The following LAMA1 variants were observed in gnomAD, a reference collection of about 807,000 sequenced individuals.
LAMA1 encodes the protein laminin subunit alpha-1.
Under a neutral mutation model 348.7 loss-of-function variants are expected in LAMA1, and 219 were observed. The ratio of observed to expected loss-of-function variants is 0.63; its 90% confidence interval spans 0.56 to 0.70. LAMA1 has a LOEUF of 0.70. Ranked by LOEUF, LAMA1 falls within the 30% of genes least tolerant of loss-of-function variation. LAMA1 has a pLI of 0.00. For synonymous variants in LAMA1, 1,487 were observed against 1,491.0 expected, an observed-to-expected ratio of 1.00 and a Z score of 0.06; for missense variants, 3,744 against 3,888.0, an observed-to-expected ratio of 0.96 and a Z score of 0.99.
chr18:7,007,307 G>A (rs200467474), intron 28 of LAMA1, 31 bp from the exon 29 acceptor site: 7 of 1,606,408 alleles, frequency 4.4e-6, no homozygotes, highest in East Asian at 4.5e-5. Flanking sequence ...GGACAAAAAA[G>A]TCTGATTAAT....
intron 1 of LAMA1, among the ~76,000 whole-genome samples, chr18:7,094,382 G>T (rs2058251990): frequency 6.9e-6 from 1 of 145,052 alleles, no homozygotes; most frequent in Non-Finnish European, 1.5e-5. Flanking sequence ...CTAGATTATT[G>T]CGCCACTGCA....
At chr18:7,004,186 C>T (rs2057821437) in intron 29 of LAMA1, among the ~76,000 whole-genome samples, 1 of 152,078 alleles carries the variant, frequency 6.6e-6, no homozygotes, top group African/African-American at 2.4e-5. Flanking sequence ...GAATTAGTTG[C>T]TATGGGAAAT....
intron 42 of LAMA1, 82 bp from the exon 43 acceptor site, chr18:6,978,460 GCA>G: frequency 7.9e-7 from 1 of 1,260,156 alleles, no homozygotes; most frequent in Non-Finnish European, 1.1e-6. Context: ...ATGTAATTTC[GCA>G]CAGAAATATA....
chr18:7,042,244 G>C lies in LAMA1; in HGVS notation c.1162C>G (p.Pro388Ala), dbSNP rs766401243. 44 of 1,602,738 alleles carry C rather than the reference G, an allele frequency of 2.7e-5. No homozygotes were observed. The highest frequency in any genetic ancestry group is 3.6e-5 in the Non-Finnish European group (42 of 1,171,660). ...DGYYRPHKVSPYEDEPCRPCN... is the reference protein window; with the variant it reads ...DGYYRPHKVSAYEDEPCRPCN... ...GGGCGGCAAGGCTCATCCTCATAAG[G>C]AGACACCTGAAAGGCAGAGGTTGCC... The change falls in exon 9 of 63, where the codon CCT becomes GCT. Residue 388 changes from proline (P) to alanine (A), a missense_variant. Pro to Ala is a conservative substitution (Grantham distance 27, BLOSUM62 -1). This residue lies in a region of LAMA1 where 1,529 missense variants were observed against 1,689.4 expected (regional missense o/e 0.91). Transcript: ENST00000389658.
chr18:7,053,871 C>T (rs1057451585), intron 3 of LAMA1, among the ~76,000 whole-genome samples: 4 of 151,450 alleles, frequency 2.6e-5, no homozygotes, highest in Non-Finnish European at 4.4e-5. Flanking sequence ...GCAGTCCCAA[C>T]CTCCTGGGCT....
At position 7,023,326 on chromosome 18, in the gene LAMA1, C is replaced by T; in HGVS notation, c.2539G>A (p.Val847Ile). ...GNPTVPGESC[V>I]PCDCSGNVDP... The stretch of plus-strand genomic sequence containing the variant: ...ACGTTGCCGCTGCAGTCACAGGGAA[C>T]ACAAGATTCGCCAGGCACTGTTGGG... The change falls in exon 19 of 63, where the codon GTT (valine) becomes ATT (isoleucine). Residue 847 changes from valine (V) to isoleucine (I), a missense_variant. Val to Ile is a conservative substitution (Grantham distance 29). This residue lies in a region of LAMA1 where 1,529 missense variants were observed against 1,689.4 expected (regional missense o/e 0.91). Transcript: ENST00000389658. 5.6e-6 allele frequency: 9 copies of T among 1,614,178 alleles called. No individual in the cohort carries two copies. Among genetic ancestry groups the T allele is most frequent in the Non-Finnish European group, 7.6e-6 (9 of 1,180,044 alleles).
At chr18:7,056,615 A>C (rs1273629348) in intron 3 of LAMA1, among the ~76,000 whole-genome samples, 1 of 152,124 alleles carries the variant, frequency 6.6e-6, no homozygotes, top group South Asian at 2.1e-4. Flanking sequence ...CCTGCCCCCA[A>C]ATGTCCACAC....
intron 19 of LAMA1, among the ~76,000 whole-genome samples, chr18:7,021,185 C>A (rs2057913794): frequency 6.6e-6 from 1 of 152,126 alleles, no homozygotes; most frequent in South Asian, 2.1e-4. Context: ...GCACCCCCTT[C>A]AGGAGGCAGC....
At chr18:7,106,342 A>G (rs1011222392) in intron 1 of LAMA1, among the ~76,000 whole-genome samples, 1 of 150,784 alleles carries the variant, frequency 6.6e-6, no homozygotes, top group Non-Finnish European at 1.5e-5. Flanking sequence ...CTGGCTGCAC[A>G]GTGGAATCAC....
intron 17 of LAMA1, 86 bp downstream of exon 17, chr18:7,025,893 C>A: frequency 6.6e-7 from 1 of 1,522,280 alleles, no homozygotes. Flanking sequence ...ATTACACACA[C>A]AGTCTTGCTC....
At chr18:7,011,186 G>T (rs953475100) in intron 25 of LAMA1, 114 bp downstream of exon 25, 53 of 1,187,114 alleles carry the variant, frequency 4.5e-5, no homozygotes, top group Non-Finnish European at 6.5e-5. Context: ...CTTAAAAGAG[G>T]AAATTAATAA....
intron 8 of LAMA1, chr18:7,042,911 G>C (rs78107752): frequency 0.044 from 12,827 of 292,880 alleles, 484 homozygotes; most frequent in Middle Eastern, 0.12. Context: ...AAAAAGATTG[G>C]CTGAACATCT....
chr18:7,111,408 T>C (rs560155890), intron 1 of LAMA1, among the ~76,000 whole-genome samples: 1 of 152,308 alleles, frequency 6.6e-6, no homozygotes, highest in East Asian at 1.9e-4. Flanking sequence ...AGGAACAAGT[T>C]AACCCAAAGA....
intron 36 of LAMA1, among the ~76,000 whole-genome samples, chr18:6,988,808 T>TAAAAAAAAA (rs1169877701): frequency 0.012 from 1,199 of 100,408 alleles, 31 homozygotes; most frequent in Middle Eastern, 0.021. Flanking sequence ...TCCGTCTCAA[T>TAAAAAAAAA]AAAAAAAAAA....
chr18:7,015,343 CACT>C (rs1256198056), intron 22 of LAMA1, among the ~76,000 whole-genome samples: 1 of 152,156 alleles, frequency 6.6e-6, no homozygotes, highest in Non-Finnish European at 1.5e-5. Flanking sequence ...CATCACAGCT[CACT>C]ACAGCCTTGA....
rs979979720 is a variant in LAMA1, at chr18:7,004,430, G to A, written c.4261-2045C>T. Among the ~76,000 whole-genome samples the A allele has an allele frequency of 5.3e-5, 8 of 152,104 alleles. 1 individual carries two copies. The South Asian group carries it at 1.2e-3, about 24-fold the overall frequency. ...TGTAATGGGGCGATCTCAGCTCACC[G>A]CAACCTCTGCCTCCTGGGTTCAAGT... On this transcript the variant is annotated intron_variant, in intron 29 of 62. Coordinates refer to ENST00000389658, the MANE Select transcript of LAMA1 (RefSeq NM_005559.4).
chr18:7,088,801 C>A (rs1043049227), intron 1 of LAMA1, among the ~76,000 whole-genome samples: 1 of 152,128 alleles, frequency 6.6e-6, no homozygotes. Context: ...AGATTACAGG[C>A]GTGAGCCACA....
chr18:6,986,606 A>G (rs936570794), intron 36 of LAMA1, among the ~76,000 whole-genome samples: 3 of 151,816 alleles, frequency 2.0e-5, no homozygotes, highest in Admixed American at 6.6e-5. Context: ...CATGACAGGA[A>G]GTAAATGGTA....
rs757728054 is a variant in LAMA1, at chr18:6,950,884, C to G, written c.8295G>C (p.Val2765=). 1.2e-6 allele frequency: 2 copies of G among 1,614,052 alleles called. No individual in the cohort carries two copies. Among genetic ancestry groups the G allele is most frequent in the African/African-American group, 2.7e-5 (2 of 74,906 alleles). Residue 2765 remains valine (V), a synonymous_variant, in exon 58 of 63, where the codon GTG becomes GTC. Coordinates refer to ENST00000389658, the MANE Select transcript of LAMA1 (RefSeq NM_005559.4). ...MAHQNQADYA[V]LQLHGGRLHF... is the part of the protein sequence containing the mutation. Reference sequence around the variant, plus strand: ...GGAGGCGGCCCCCGTGCAGCTGGAGCACAGCGTAGTCTGCTTGGTTCTGAT... The same window carrying G: ...GGAGGCGGCCCCCGTGCAGCTGGAGGACAGCGTAGTCTGCTTGGTTCTGAT...
Sources: allele counts gnomAD v4.1 joint callset (sites outside exome capture counted in the v4.1 genomes callset), GRCh38; gene constraint gnomAD v4.1.1; regional missense constraint gnomAD v4.1.1; transcripts MANE v1.5; gene names NCBI Gene and HGNC (gene_info 2026-07-23, HGNC 2026-07-21).